Variants in FAM185A observed in about 807,000 individuals in gnomAD.
FAM185A encodes the protein protein FAM185A.
A neutral mutation model predicts 45.7 loss-of-function variants in FAM185A; 21 were observed. The observed-to-expected ratio is 0.46, with a 90% CI of 0.33 to 0.66. The LOEUF (loss-of-function observed/expected upper bound fraction) is 0.66, where lower values mean the gene tolerates loss of function less well. Among genes scored for constraint, FAM185A ranks in the 30% least tolerant of loss-of-function variants. The pLI is 0.03. For missense variants in FAM185A, 305 were observed against 485.4 expected, an observed-to-expected ratio of 0.63 and a Z score of 3.49; for synonymous variants, 117 against 194.0, an observed-to-expected ratio of 0.60 and a Z score of 3.30.
chr7:102,834,971 A>G, the FAM185A span, among the ~76,000 whole-genome samples: 2 of 152,052 alleles, frequency 1.3e-5, no homozygotes, highest in East Asian at 1.9e-4. Flanking sequence ...TTTGTCAGTT[A>G]AAAATTTTAA....
downstream of FAM185A, among the ~76,000 whole-genome samples, chr7:102,811,538 C>T (rs889807461): frequency 1.2e-4 from 19 of 152,156 alleles, no homozygotes; most frequent in African/African-American, 4.3e-4. Flanking sequence ...GGATGTTACT[C>T]AAAGAGCTTT....
intron 2 of FAM185A, among the ~76,000 whole-genome samples, chr7:102,753,139 G>C (rs950339305): frequency 6.6e-6 from 1 of 152,170 alleles, no homozygotes; most frequent in Non-Finnish European, 1.5e-5. Context: ...TGTTGTAAAA[G>C]ATTGTGTAAT....
At chr7:102,780,456 T>C (rs1042380213) in intron 6 of FAM185A, among the ~76,000 whole-genome samples, 2 of 152,210 alleles carry the variant, frequency 1.3e-5, no homozygotes, top group African/African-American at 4.8e-5. Flanking sequence ...CTGAGTGTCT[T>C]ACCTTAGGTA....
chr7:102,791,266 A>G (rs1796122760), intron 7 of FAM185A, among the ~76,000 whole-genome samples: 1 of 151,616 alleles, frequency 6.6e-6, no homozygotes, highest in Admixed American at 6.6e-5. Context: ...GGGATAGATG[A>G]GAAAGAACAA....
At chr7:102,803,902 A>G (rs1038450519) in intron 7 of FAM185A, among the ~76,000 whole-genome samples, 2 of 152,112 alleles carry the variant, frequency 1.3e-5, no homozygotes, top group Admixed American at 1.3e-4. Context: ...CCAAGCAGAG[A>G]ATCAAATCAA....
intron 7 of FAM185A, among the ~76,000 whole-genome samples, chr7:102,798,356 G>GTAAAT (rs1420668501): frequency 6.6e-6 from 1 of 152,208 alleles, no homozygotes; most frequent in Non-Finnish European, 1.5e-5. Flanking sequence ...AGAAGTTTCA[G>GTAAAT]TAAATTACTT....
intron 1 of FAM185A, among the ~76,000 whole-genome samples, chr7:102,750,920 T>C (rs1339008544): frequency 1.3e-5 from 2 of 151,892 alleles, no homozygotes; most frequent in Admixed American, 6.6e-5. Context: ...TTTGTTTTGG[T>C]TTTTTTTGAG....
the FAM185A span, among the ~76,000 whole-genome samples, chr7:102,840,325 A>ATC: frequency 6.6e-6 from 1 of 152,242 alleles, no homozygotes; most frequent in African/African-American, 2.4e-5. Context: ...TGGCAATCAG[A>ATC]TATTTTTCTT....
the FAM185A span, among the ~76,000 whole-genome samples, chr7:102,836,405 T>C: frequency 1.3e-5 from 2 of 152,230 alleles, no homozygotes; most frequent in Non-Finnish European, 2.9e-5. Context: ...TGCAAGCATG[T>C]TTCAACATAA....
chr7:102,815,645 G>T, the FAM185A span, among the ~76,000 whole-genome samples: 1 of 152,094 alleles, frequency 6.6e-6, no homozygotes, highest in South Asian at 2.1e-4. Flanking sequence ...TTGACCTATA[G>T]GAAAAGGAAA....
the FAM185A span, among the ~76,000 whole-genome samples, chr7:102,845,270 C>T: frequency 6.6e-6 from 1 of 152,114 alleles, no homozygotes; most frequent in Non-Finnish European, 1.5e-5. Flanking sequence ...ACAGAAGATA[C>T]ACCCAGGAAA....
At chr7:102,776,983 G>A (rs2537418) in intron 5 of FAM185A, among the ~76,000 whole-genome samples, 4 of 152,018 alleles carry the variant, frequency 2.6e-5, no homozygotes, top group East Asian at 3.8e-4. Flanking sequence ...CTCTCCTTCC[G>A]ACTCATTAAG....
chr7:102,822,678 C>G, the FAM185A span, among the ~76,000 whole-genome samples: 1 of 152,176 alleles, frequency 6.6e-6, no homozygotes, highest in Non-Finnish European at 1.5e-5. Flanking sequence ...TCTCTTTCAC[C>G]CAGCTTGTCA....
intron 1 of FAM185A, among the ~76,000 whole-genome samples, chr7:102,751,420 C>T (rs1793355111): frequency 1.3e-5 from 2 of 151,938 alleles, no homozygotes; most frequent in Admixed American, 1.3e-4. Context: ...GAGTACTTAA[C>T]AGAATCGTAG....
rs1234270596 is a variant in FAM185A at position 102,769,133 on chromosome 7, T to G, written c.794-3276T>G. On this transcript the variant is annotated intron_variant, in intron 4 of 7. Transcript: ENST00000413034. ...ATAAGTTTTTGTTTACTGTTTTATT[T>G]AGAGTTGACAAAAATATTTTGAAGT... Among the ~76,000 whole-genome samples, 3 of 152,278 alleles carry G rather than the reference T, an allele frequency of 2.0e-5. No homozygotes were observed. The East Asian group carries it at 5.8e-4, about 29-fold the overall frequency.
At chr7:102,800,253 A>G (rs1336382220) in intron 7 of FAM185A, among the ~76,000 whole-genome samples, 2 of 152,328 alleles carry the variant, frequency 1.3e-5, no homozygotes, top group Admixed American at 6.5e-5. Context: ...AACAGCCTTC[A>G]GCCCTAGCCC....
chr7:102,826,601 T>C, the FAM185A span, among the ~76,000 whole-genome samples: 1 of 150,132 alleles, frequency 6.7e-6, no homozygotes, highest in Admixed American at 6.6e-5. Context: ...CTGGGTATGC[T>C]AGTAGTCCAG....
At chr7:102,827,297 T>G in the FAM185A span, 1 of 305,966 alleles carries the variant, frequency 3.3e-6, no homozygotes, top group Non-Finnish European at 7.3e-6. Context: ...AAGAGATGAC[T>G]GCAAAGAGAT....
chr7:102,832,375 T>C, the FAM185A span, among the ~76,000 whole-genome samples: 756 of 152,282 alleles, frequency 5.0e-3, 4 homozygotes, highest in African/African-American at 0.017. Context: ...CTCAATGAAG[T>C]TATATGTTGT....
Sources: allele counts gnomAD v4.1 joint callset (sites outside exome capture counted in the v4.1 genomes callset), GRCh38; gene constraint gnomAD v4.1.1; transcripts MANE v1.5; gene names NCBI Gene and HGNC (gene_info 2026-07-23, HGNC 2026-07-21).